The following MYL12B variants were observed in gnomAD, a reference collection of about 807,000 sequenced individuals.
MYL12B encodes myosin regulatory light chain 12B.
In MYL12B, 3 loss-of-function variants were observed where a neutral mutation model predicts 12.9. That is an observed-to-expected ratio of 0.23 (90% CI 0.11 to 0.60). The LOEUF is 0.60. MYL12B is among the 20% of genes least tolerant of loss of function. MYL12B has a pLI of 0.89. For synonymous variants in MYL12B, 57 were observed against 71.9 expected, an observed-to-expected ratio of 0.79 and a Z score of 1.05; for missense variants, 120 against 215.4, an observed-to-expected ratio of 0.56 and a Z score of 2.77.
chr18:3,268,840 A>G (rs1317038765), intron 1 of MYL12B, among the ~76,000 whole-genome samples: 1 of 152,202 alleles, frequency 6.6e-6, no homozygotes, highest in East Asian at 1.9e-4. Flanking sequence ...ATTATTTAAT[A>G]TCTTTGACCT....
At chr18:3,270,753 G>A (rs1336555106) in intron 1 of MYL12B, among the ~76,000 whole-genome samples, 2 of 152,038 alleles carry the variant, frequency 1.3e-5, no homozygotes, top group Admixed American at 6.6e-5. Context: ...CACCAGCCTC[G>A]ACCTCCCAGG....
chr18:3,267,798 A>G (rs1327559784), intron 1 of MYL12B, among the ~76,000 whole-genome samples: 1 of 152,196 alleles, frequency 6.6e-6, no homozygotes, highest in African/African-American at 2.4e-5. Flanking sequence ...ATTCATCTGT[A>G]TCTGCAGAGG....
intron 2 of MYL12B, chr18:3,276,492 A>G: frequency 2.0e-6 from 2 of 985,124 alleles, no homozygotes; most frequent in African/African-American, 1.7e-5. Context: ...TCCCATTACA[A>G]ACAATACCAA....
intron 2 of MYL12B, among the ~76,000 whole-genome samples, chr18:3,274,435 T>C (rs994227200): frequency 1.1e-4 from 15 of 131,768 alleles, no homozygotes; most frequent in African/African-American, 4.1e-4. Flanking sequence ...TGGAGTTTAA[T>C]TGAGCAATGA....
rs1252728395 is a variant in MYL12B at position 3,277,234 on chromosome 18, A to T, written c.185-19A>T. The T allele has an allele frequency of 2.6e-6, 4 of 1,539,938 alleles. No individual in the cohort carries two copies. Among genetic ancestry groups the T allele is most frequent in the East Asian group, 2.3e-5 (1 of 43,670 alleles). On this transcript the variant is annotated intron_variant, in intron 2 of 3. Transcript: ENST00000237500. ...TTAAATGTTTTTGTCTTTAAATGTT[A>T]AAATGTGTATTCTTACAGGGAAGAA...
intron 2 of MYL12B, 180 bp from the exon 3 acceptor site, chr18:3,277,073 T>C (rs891143839): frequency 6.4e-6 from 6 of 940,358 alleles, no homozygotes; most frequent in Non-Finnish European, 6.3e-6. Flanking sequence ...TTTATAATGA[T>C]GTATCCAATA....
chr18:3,266,582 AATAC>A (rs2081636831), intron 1 of MYL12B, among the ~76,000 whole-genome samples: 2 of 6,468 alleles, frequency 3.1e-4, no homozygotes, highest in African/African-American at 5.6e-4. Context: ...ATAACAAACT[AATAC>A]CAGCTGGGAT....
At chr18:3,275,539 T>C (rs2081722720) in intron 2 of MYL12B, among the ~76,000 whole-genome samples, 1 of 152,196 alleles carries the variant, frequency 6.6e-6, no homozygotes, top group Non-Finnish European at 1.5e-5. Context: ...TTTTGCATTA[T>C]ATGCCTGTAT....
intron 2 of MYL12B, chr18:3,276,444 T>C: frequency 1.0e-6 from 1 of 984,754 alleles, no homozygotes; most frequent in Non-Finnish European, 1.2e-6. Flanking sequence ...ACCACTGCAC[T>C]AAAAGAAGTG....
intron 2 of MYL12B, among the ~76,000 whole-genome samples, chr18:3,274,735 A>G (rs1039470063): frequency 2.0e-5 from 3 of 152,260 alleles, no homozygotes; most frequent in Non-Finnish European, 4.4e-5. Flanking sequence ...TTGTCTGACT[A>G]TTAAGCTAGG....
At chr18:3,275,443 TAACTC>T (rs1188995232) in intron 2 of MYL12B, among the ~76,000 whole-genome samples, 4 of 152,110 alleles carry the variant, frequency 2.6e-5, no homozygotes, top group Admixed American at 6.5e-5. Flanking sequence ...CATTTTAAAA[TAACTC>T]AGTATAGTTG....
intron 1 of MYL12B, among the ~76,000 whole-genome samples, chr18:3,272,564 A>G (rs143634709): frequency 2.1e-4 from 32 of 152,274 alleles, no homozygotes; most frequent in African/African-American, 7.0e-4. Flanking sequence ...GAGTCTCACT[A>G]TGTTGCCCAG....
chr18:3,276,213 C>T (rs975917531), intron 2 of MYL12B, among the ~76,000 whole-genome samples: 3 of 150,774 alleles, frequency 2.0e-5, no homozygotes, highest in African/African-American at 7.3e-5. Context: ...TAAGGCAGCA[C>T]TGAACGAAGG....
intron 1 of MYL12B, chr18:3,263,237 G>T (rs1216433747): frequency 1.3e-5 from 2 of 152,244 alleles, no homozygotes; most frequent in Non-Finnish European, 2.9e-5. Context: ...CACTAACGGA[G>T]TAATAAGAAA....
intron 2 of MYL12B, among the ~76,000 whole-genome samples, chr18:3,275,782 A>T (rs7506159): frequency 6.6e-6 from 1 of 151,680 alleles, no homozygotes; most frequent in African/African-American, 2.4e-5. Flanking sequence ...TCTTCCCCCC[A>T]AAAAATGCTG....
intron 2 of MYL12B, among the ~76,000 whole-genome samples, chr18:3,276,750 A>G (rs1261041982): frequency 6.6e-6 from 1 of 152,056 alleles, no homozygotes; most frequent in Admixed American, 6.6e-5. Flanking sequence ...AACATTCAGG[A>G]TGTAGGCCGG....
chr18:3,270,618 TA>T (rs2081670385), intron 1 of MYL12B, among the ~76,000 whole-genome samples: 2 of 152,070 alleles, frequency 1.3e-5, no homozygotes, highest in Admixed American at 1.3e-4. Flanking sequence ...AAATATAGTA[TA>T]TTTTTGGGTT....
chr18:3,275,998 TGAAC>T (rs1156517467), intron 2 of MYL12B, among the ~76,000 whole-genome samples: 1 of 152,112 alleles, frequency 6.6e-6, no homozygotes, highest in Non-Finnish European at 1.5e-5. Context: ...AACTTACATA[TGAAC>T]TATAATGGTA....
At chr18:3,271,076 C>G (rs940587021) in intron 1 of MYL12B, among the ~76,000 whole-genome samples, 1 of 152,126 alleles carries the variant, frequency 6.6e-6, no homozygotes, top group Non-Finnish European at 1.5e-5. Context: ...ATAATTTTTG[C>G]CTTCAGATGT....
Sources: allele counts gnomAD v4.1 joint callset (sites outside exome capture counted in the v4.1 genomes callset), GRCh38; gene constraint gnomAD v4.1.1; transcripts MANE v1.5; gene names NCBI Gene and HGNC (gene_info 2026-07-23, HGNC 2026-07-21).